Variants in KCTD1 observed in about 807,000 individuals in gnomAD.
KCTD1 encodes the protein BTB/POZ domain-containing protein KCTD1.
KCTD1 carries 24 observed loss-of-function variants against 66.0 expected under a neutral mutation model. That is an observed-to-expected ratio of 0.36 (90% CI 0.26 to 0.51). The LOEUF is 0.51. Ranked by LOEUF, KCTD1 falls within the 20% of genes least tolerant of loss-of-function variation. KCTD1 has a pLI of 0.95. For missense variants in KCTD1, 943 were observed against 1,205.2 expected (o/e 0.78, Z 3.22); for synonymous variants, 511 against 517.2 (o/e 0.99, Z 0.16).
intron 1 of KCTD1, among the ~76,000 whole-genome samples, chr18:26,653,112 C>T (rs914455441): frequency 6.6e-6 from 1 of 152,146 alleles, no homozygotes; most frequent in Non-Finnish European, 1.5e-5. Flanking sequence ...TCCCTCTGAC[C>T]ACTTCCCAGA....
At chr18:26,602,552 T>C (rs1316307581) in intron 1 of KCTD1, among the ~76,000 whole-genome samples, 1 of 152,200 alleles carries the variant, frequency 6.6e-6, no homozygotes. Context: ...ATACCAGAGA[T>C]TCAAAAGTGT....
rs756306113 is a variant in KCTD1, at chr18:26,468,779, G to A, written c.2133+7736C>T. 4.6e-5 allele frequency among the ~76,000 whole-genome samples: 7 copies of A among 152,152 alleles called. No individual in the cohort carries two copies. Among genetic ancestry groups the A allele is most frequent in the Non-Finnish European group, 8.8e-5 (6 of 68,024 alleles). On this transcript the variant is annotated intron_variant, in intron 3 of 4. Transcript: ENST00000580059. This position sits in a 1 kb window ranked among gnomAD's most constrained non-coding sequence, Gnocchi z 4.8. ...AGAGAACTGCTTGAACCCGGGAGGC[G>A]GAGGTTGCAGTGAGCCGAGATCGTG...
At chr18:26,481,590 A>G (rs1981651492) in intron 2 of KCTD1, among the ~76,000 whole-genome samples, 1 of 152,240 alleles carries the variant, frequency 6.6e-6, no homozygotes, top group Non-Finnish European at 1.5e-5. Context: ...CTATGTTGTC[A>G]GGGACAGTAA....
chr18:26,607,036 CTTTTTTA>C lies in KCTD1; in HGVS notation c.-16+22104_-16+22110del, dbSNP rs1459528413. On this transcript the variant is annotated intron_variant, in intron 1 of 4. Coordinates refer to the KCTD1 transcript ENST00000317932. The stretch of plus-strand genomic sequence containing the variant: ...CTGGGCAGATCTAGCTGCTTTCTTT[CTTTTTTA>C]TTTTTTTATGAGACAGGGTCTTGCT... 3.9e-5 allele frequency among the ~76,000 whole-genome samples: 6 copies of C among 152,184 alleles called. No individual in the cohort carries two copies. In the East Asian group the frequency reaches 1.2e-3, roughly 29 times the overall value.
chr18:26,656,058 G>C (rs912442880), intron 1 of KCTD1, among the ~76,000 whole-genome samples: 7 of 152,080 alleles, frequency 4.6e-5, no homozygotes, highest in East Asian at 1.9e-4. Flanking sequence ...GCGGCAGTTG[G>C]GGGGGCGGAG....
At chr18:26,527,986 C>T (rs563577268) in intron 1 of KCTD1, among the ~76,000 whole-genome samples, 1 of 152,314 alleles carries the variant, frequency 6.6e-6, no homozygotes, top group South Asian at 2.1e-4. Flanking sequence ...TCTCTGCATA[C>T]AGGCACTGCA....
At chr18:26,605,724 A>ATATCTATC (rs10680402) in intron 1 of KCTD1, among the ~76,000 whole-genome samples, 8,975 of 136,052 alleles carry the variant, frequency 0.066, 337 homozygotes, top group Non-Finnish European at 0.071. Context: ...ATATATCTCT[A>ATATCTATC]TATCTATCTA....
chr18:26,471,326 T>A (rs1188018783), intron 3 of KCTD1, among the ~76,000 whole-genome samples: 3 of 151,824 alleles, frequency 2.0e-5, no homozygotes, highest in African/African-American at 7.3e-5. Context: ...TCTGAGCAAG[T>A]GTGATGTGAT....
chr18:26,557,674 T>A (rs1985739177), intron 1 of KCTD1, among the ~76,000 whole-genome samples: 1 of 152,176 alleles, frequency 6.6e-6, no homozygotes, highest in Non-Finnish European at 1.5e-5. Flanking sequence ...TCAAAGCTCA[T>A]ACATTAAGCA....
intron 2 of KCTD1, among the ~76,000 whole-genome samples, chr18:26,479,780 C>T (rs914715956): frequency 7.2e-5 from 11 of 152,164 alleles, no homozygotes; most frequent in Non-Finnish European, 1.5e-4. Flanking sequence ...AAAATGGCGT[C>T]CCTGGGTGGT....
chr18:26,614,329 G>A (rs1232777971), intron 1 of KCTD1, among the ~76,000 whole-genome samples: 1 of 152,178 alleles, frequency 6.6e-6, no homozygotes, highest in Non-Finnish European at 1.5e-5. Context: ...CCCCAGCCCC[G>A]AATTCCAAGA....
chr18:26,460,083 GCATTCATTCATT>G (rs376911878), intron 3 of KCTD1, among the ~76,000 whole-genome samples, 158 bp from the exon 4 acceptor site: 6 of 152,098 alleles, frequency 3.9e-5, no homozygotes, highest in Non-Finnish European at 7.4e-5. Flanking sequence ...GGCTCAATTT[GCATTCATTCATT>G]CATTCATTCA....
At chr18:26,559,937 G>C (rs73401465) in intron 1 of KCTD1, among the ~76,000 whole-genome samples, 19 of 152,282 alleles carry the variant, frequency 1.2e-4, no homozygotes, top group African/African-American at 4.6e-4. Context: ...CCCTTTGGTT[G>C]TAAGTTACAA....
chr18:26,473,722 T>A (rs1349821792), intron 3 of KCTD1, among the ~76,000 whole-genome samples: 3 of 152,278 alleles, frequency 2.0e-5, no homozygotes, highest in Admixed American at 6.5e-5. Flanking sequence ...AACCCTGGAA[T>A]CAAGCTCAGT....
intron 1 of KCTD1, among the ~76,000 whole-genome samples, chr18:26,636,761 G>A (rs1327856291): frequency 6.6e-6 from 1 of 152,166 alleles, no homozygotes; most frequent in Non-Finnish European, 1.5e-5. Flanking sequence ...CTGCCAGAAT[G>A]GTCCTGCCAC....
chr18:26,503,937 C>G (rs1003723844), intron 1 of KCTD1, among the ~76,000 whole-genome samples: 10 of 152,204 alleles, frequency 6.6e-5, no homozygotes, highest in African/African-American at 2.2e-4. Flanking sequence ...CTCCTAGGCG[C>G]TTTCCCCATC....
At chr18:26,572,327 G>A (rs1405955862) in intron 1 of KCTD1, among the ~76,000 whole-genome samples, 6 of 152,126 alleles carry the variant, frequency 3.9e-5, no homozygotes, top group African/African-American at 9.7e-5. Context: ...CAAAGTGCTG[G>A]GATTCAGGTG....
At chr18:26,601,337 A>T (rs1986893466) in intron 1 of KCTD1, among the ~76,000 whole-genome samples, 1 of 151,140 alleles carries the variant, frequency 6.6e-6, no homozygotes, top group Non-Finnish European at 1.5e-5. Context: ...AAAAAAAAAA[A>T]AAAAAAAAAA....
intron 1 of KCTD1, chr18:26,575,351 C>CG (rs964005426): frequency 6.6e-5 from 10 of 152,148 alleles, no homozygotes; most frequent in African/African-American, 2.4e-4. Context: ...CCAAAGCCTG[C>CG]GTTCCTGGGA....
Sources: allele counts gnomAD v4.1 joint callset (sites outside exome capture counted in the v4.1 genomes callset), GRCh38; gene constraint gnomAD v4.1.1; non-coding constraint Gnocchi (gnomAD v3.1); transcripts MANE v1.5; gene names NCBI Gene and HGNC (gene_info 2026-07-23, HGNC 2026-07-21).